The following ATP2A3 variants were observed in gnomAD, a reference collection of about 807,000 sequenced individuals.
ATP2A3 encodes the protein sarcoplasmic/endoplasmic reticulum calcium ATPase 3.
In ATP2A3, 61 loss-of-function variants were observed where a neutral mutation model predicts 106.8. The ratio of observed to expected loss-of-function variants is 0.57; its 90% CI spans 0.46 to 0.71. The LOEUF (loss-of-function observed/expected upper bound fraction) is 0.71, where lower values mean the gene tolerates loss of function less well. Ranked by LOEUF, ATP2A3 falls within the 30% of genes least tolerant of loss-of-function variation. ATP2A3 has a pLI of 0.00. For synonymous variants in ATP2A3, 611 were observed against 609.3 expected, an observed-to-expected ratio of 1.00 and a Z score of -0.04; for missense variants, 1,201 against 1,423.5, an observed-to-expected ratio of 0.84 and a Z score of 2.52.
chr17:3,953,432 G>A lies in ATP2A3; in HGVS notation c.137-3C>T, dbSNP rs746028816. On this transcript the variant is annotated splice_region_variant and splice_polypyrimidine_tract_variant and intron_variant, in intron 2 of 20. Transcript: ENST00000397041. This position sits in a 1 kb window ranked among gnomAD's most constrained non-coding sequence, Gnocchi z 5.1. ...CACCAGCTCCCACAGGGACTTCCCT[G>A]GGAACGGGGGTCATGTGTGAGGCTG... 1.5e-5 allele frequency: 24 copies of A among 1,613,730 alleles called. No individual in the cohort carries two copies. In the East Asian group the frequency reaches 3.3e-4, roughly 22 times the overall value.
intron 20 of ATP2A3, chr17:3,927,973 G>A (rs775051712): frequency 1.2e-6 from 2 of 1,613,834 alleles, no homozygotes; most frequent in Admixed American, 3.3e-5. Context: ...CCAGGAACCG[G>A]AGCTCACCCC....
At chr17:3,944,648 G>C in intron 10 of ATP2A3, 56 bp downstream of exon 10, 1 of 1,563,974 alleles carries the variant, frequency 6.4e-7, no homozygotes, top group Non-Finnish European at 8.7e-7. Context: ...GCTGGGAAAA[G>C]GGTCTGTCCT....
chr17:3,954,717 G>A (rs920452644), intron 1 of ATP2A3, among the ~76,000 whole-genome samples: 10 of 151,876 alleles, frequency 6.6e-5, no homozygotes, highest in African/African-American at 1.7e-4. Flanking sequence ...GGGTGGTCTC[G>A]AACTCCTGAC....
At position 3,937,653 on chromosome 17, in the gene ATP2A3, G is replaced by T. The variant is rs1279441316; in HGVS notation, c.2101-17C>A. The T allele has an allele frequency of 6.2e-7, 1 of 1,611,572 alleles. No homozygotes were observed. The highest frequency in any genetic ancestry group is 1.7e-5 in the Admixed American group (1 of 59,682). Reference sequence around the variant, plus strand: ...ATCGCCAGTCTGTGGGCCAGGTCAGGTAGGGCTGTGCCTGAGAAACTTCCC... The same window carrying T: ...ATCGCCAGTCTGTGGGCCAGGTCAGTTAGGGCTGTGCCTGAGAAACTTCCC... On this transcript the variant is annotated splice_polypyrimidine_tract_variant and intron_variant, in intron 14 of 20. Transcript: ENST00000397041.
intron 8 of ATP2A3, 177 bp from the exon 9 acceptor site, chr17:3,945,325 C>G (rs2054053350): frequency 1.8e-6 from 1 of 549,706 alleles, no homozygotes; most frequent in Non-Finnish European, 3.2e-6. Context: ...GAGGCAGGGA[C>G]CGTCTGCTCT....
intron 17 of ATP2A3, among the ~76,000 whole-genome samples, chr17:3,934,728 T>TG (rs2053325323): frequency 1.3e-5 from 2 of 151,240 alleles, no homozygotes; most frequent in South Asian, 4.2e-4. Flanking sequence ...TTCACCTCGT[T>TG]GGACGGCTGG....
chr17:3,944,353 C>T lies in ATP2A3; in HGVS notation c.1287+351G>A, dbSNP rs369070343. 1.3e-3 allele frequency among the ~76,000 whole-genome samples: 204 copies of T among 152,324 alleles called. 4 individuals are homozygous for T. In the East Asian group the frequency reaches 0.031, roughly 23 times the overall value. On this transcript the variant is annotated intron_variant, in intron 10 of 20. Transcript: ENST00000397041. ...TCCACTGCCCCGGCCACGTGAATGC[C>T]TAAGTCGCAGGAGGCTTTAACTGAA...
In ATP2A3 at chr17:3,947,841, T is replaced by C; in HGVS notation, c.645A>G (p.Thr215=). ...CGGCCACACCCACCGCTTTGCCCGA[T>C]GTGATATTGGTGCCCTGGCCAGGGG... is the stretch of plus-strand genomic sequence containing the variant. ...KNMLFSGTNI[T]SGKAVGVAVA... is the part of the protein sequence containing the mutation. Residue 215 remains threonine, a synonymous_variant, in exon 8 of 21, where the codon ACA becomes ACG. Coordinates refer to ENST00000397041, the MANE Select transcript of ATP2A3 (RefSeq NM_005173.4). This position sits in a 1 kb window ranked among gnomAD's most constrained non-coding sequence, Gnocchi z 7.7. 2 of 1,598,638 alleles carry C rather than the reference T, an allele frequency of 1.3e-6. No homozygotes were observed. The highest frequency in any genetic ancestry group is 1.1e-5 in the South Asian group (1 of 91,080).
chr17:3,959,358 C>G (rs60667675), intron 1 of ATP2A3, among the ~76,000 whole-genome samples: 7,727 of 152,276 alleles, frequency 0.051, 647 homozygotes, highest in African/African-American at 0.17. Flanking sequence ...GGTCCCCCCA[C>G]CACACTGGAA....
At chr17:3,962,134 G>A (rs1395260749) in intron 1 of ATP2A3, among the ~76,000 whole-genome samples, 3 of 152,316 alleles carry the variant, frequency 2.0e-5, no homozygotes, top group East Asian at 3.9e-4. Flanking sequence ...AGCTGCTGCC[G>A]GCTGACCCAA....
At chr17:3,927,384 G>A (rs955829377) in intron 20 of ATP2A3, 19 of 985,480 alleles carry the variant, frequency 1.9e-5, no homozygotes, top group African/African-American at 1.7e-4. Flanking sequence ...GAACTCTCCC[G>A]AGGAAGACAA....
chr17:3,927,673 C>CAA, intron 20 of ATP2A3: 1 of 980,324 alleles, frequency 1.0e-6, no homozygotes, highest in Non-Finnish European at 1.2e-6. Flanking sequence ...CACCCCCACC[C>CAA]ATTGGCCCCA....
chr17:3,924,991 A>G lies in ATP2A3; in HGVS notation c.*431T>C. ...GTCAGAGCCGGTAAGAAGGACCCCC[A>G]GAGTCCTCCGTCAGTGCAGAGGCAC... On this transcript the variant is annotated 3_prime_UTR_variant, in exon 21 of 21. Transcript: ENST00000397041. The surrounding 1 kb of genome is among the most constrained non-coding windows in gnomAD (Gnocchi z 6.4). 1 of 387,004 alleles carries G rather than the reference A, an allele frequency of 2.6e-6. No individual in the cohort carries two copies. The highest frequency in any genetic ancestry group is 2.0e-5 in the South Asian group (1 of 49,760). 24.0% of individuals were successfully genotyped at this position (387,004 alleles called of 1,614,324 possible). A position where few individuals can be genotyped will look rare whatever the true frequency, so the allele number is the denominator to read the frequency against.
chr17:3,929,368 A>T lies in ATP2A3; in HGVS notation c.2822T>A (p.Met941Lys). 2 of 1,568,188 alleles carry T rather than the reference A, an allele frequency of 1.3e-6. No individual in the cohort carries two copies. Among genetic ancestry groups the T allele is most frequent in the Non-Finnish European group, 1.7e-6 (2 of 1,157,548 alleles). ...PWLLVAVAMS[M>K]ALHFLILLVP... ...GAGCAGGATGAGGAAGTGCAGGGCC[A>T]TGGACATGGCCACAGCCACCAGCAG... Residue 941 changes from methionine (M) to lysine (K), a missense_variant, in exon 19 of 21, where the codon ATG becomes AAG. By Grantham distance (95) the Met-to-Lys change is moderately conservative (BLOSUM62 -1). Coordinates refer to ENST00000397041, the MANE Select transcript of ATP2A3 (RefSeq NM_005173.4). This position sits in a 1 kb window ranked among gnomAD's most constrained non-coding sequence, Gnocchi z 4.3.
At position 3,928,792 on chromosome 17, in the gene ATP2A3, G is replaced by GGGAA; in HGVS notation, c.2863-16_2863-13dup. 2 of 1,549,212 alleles carry GGGAA rather than the reference G, an allele frequency of 1.3e-6. No homozygotes were observed. Among genetic ancestry groups the GGGAA allele is most frequent in the Non-Finnish European group, 1.7e-6 (2 of 1,144,472 alleles). ...ACCTGGAAAATGAGCTGGCGGGGAG[G>GGGAA]GGAAGGGAGGTTTGGTTAAAGGAAG... On this transcript the variant is annotated splice_polypyrimidine_tract_variant and intron_variant, in intron 19 of 20. Transcript: ENST00000397041. The surrounding 1 kb of genome is among the most constrained non-coding windows in gnomAD (Gnocchi z 6.1).
In ATP2A3 at chr17:3,929,714, T is replaced by C. The variant is rs1364264920; in HGVS notation, c.2745-269A>G. On this transcript the variant is annotated intron_variant, in intron 18 of 20. Coordinates refer to ENST00000397041, the MANE Select transcript of ATP2A3 (RefSeq NM_005173.4). This position sits in a 1 kb window ranked among gnomAD's most constrained non-coding sequence, Gnocchi z 4.3. ...CTCTCAGAATCCTCTCTGGGCCCCT[T>C]TGACCCTTAGGCCCCAATCCAGATC... 6.6e-6 allele frequency among the ~76,000 whole-genome samples: 1 copy of C among 152,096 alleles called. No homozygotes were observed. Among genetic ancestry groups the C allele is most frequent in the African/African-American group, 2.4e-5 (1 of 41,404 alleles).
At position 3,925,639 on chromosome 17, in the gene ATP2A3, C is replaced by T. The variant is rs1342708162; in HGVS notation, c.2981-198G>A. On this transcript the variant is annotated intron_variant, in intron 20 of 20. Coordinates refer to ENST00000397041, the MANE Select transcript of ATP2A3 (RefSeq NM_005173.4). This position sits in a 1 kb window ranked among gnomAD's most constrained non-coding sequence, Gnocchi z 4.2. ...ATCCAGGATCCATCCCCGCAACGTCCCCCACGCCTCCTTCACTCCACTGTT... is the reference window on the plus strand; with the variant it reads ...ATCCAGGATCCATCCCCGCAACGTCTCCCACGCCTCCTTCACTCCACTGTT... Among the ~76,000 whole-genome samples the T allele has an allele frequency of 6.6e-6, 1 of 151,536 alleles. No homozygotes were observed. Among genetic ancestry groups the T allele is most frequent in the Non-Finnish European group, 1.5e-5 (1 of 67,850 alleles).
At chr17:3,942,513 A>C (rs1201182031) in intron 12 of ATP2A3, 93 bp downstream of exon 12, 5 of 1,532,460 alleles carry the variant, frequency 3.3e-6, no homozygotes, top group Non-Finnish European at 4.4e-6. Context: ...CAACCCTGCC[A>C]TTCACACGGG....
chr17:3,942,603 C>T lies in ATP2A3; in HGVS notation c.1545+3G>A. The T allele has an allele frequency of 1.9e-6, 3 of 1,610,084 alleles. No individual in the cohort carries two copies. The highest frequency in any genetic ancestry group is 2.5e-6 in the Non-Finnish European group (3 of 1,179,698). ...GGCCCAGGCCAGCCAGGCAGGCCCC[C>T]ACCTTCACAAACATCTTGCTGCCCT... On this transcript the variant is annotated splice_donor_region_variant and intron_variant, in intron 12 of 20. Transcript: ENST00000397041.
Sources: allele counts gnomAD v4.1 joint callset (sites outside exome capture counted in the v4.1 genomes callset), GRCh38; gene constraint gnomAD v4.1.1; non-coding constraint Gnocchi (gnomAD v3.1); transcripts MANE v1.5; gene names NCBI Gene and HGNC (gene_info 2026-07-23, HGNC 2026-07-21).